Variants in ADAM28 observed in about 807,000 individuals in gnomAD.
ADAM28 encodes the protein disintegrin and metalloproteinase domain-containing protein 28.
A neutral mutation model predicts 101.2 loss-of-function variants in ADAM28; 105 were observed. The ratio of observed to expected loss-of-function variants is 1.04; its 90% CI spans 0.89 to 1.22. The LOEUF (loss-of-function observed/expected upper bound fraction) is 1.22, where lower values mean the gene tolerates loss of function less well. Among genes scored for constraint, ADAM28 ranks in the 50% most tolerant of loss-of-function variants. The probability of loss-of-function intolerance (pLI) is 0.00; values close to 1 mark genes in which losing one functional copy is unlikely to be tolerated. For missense variants in ADAM28, 1,028 were observed against 945.4 expected, an observed-to-expected ratio of 1.09 and a Z score of -1.15; for synonymous variants, 322 against 310.6, an observed-to-expected ratio of 1.04 and a Z score of -0.39.
chr8:24,313,398 A>T lies in ADAM28; in HGVS notation c.394A>T (p.Ser132Cys). Residue 132 changes from serine to cysteine, a missense_variant, in exon 6 of 23, where the codon AGT becomes TGT. Physicochemically the swap from Ser to Cys is moderately radical, Grantham distance 112. Transcript: ENST00000265769. ...CTCATGTTTTTTCAGGGGCTACTTC[A>T]GTCAGGGGGATCAAAGATACTTTAT... Reference protein sequence around the residue: ...STCRGLRGYFSQGDQRYFIEP... With the variant: ...STCRGLRGYFCQGDQRYFIEP... 6.2e-7 allele frequency: 1 copy of T among 1,611,138 alleles called. No homozygotes were observed. The highest frequency in any genetic ancestry group is 1.3e-5 in the African/African-American group (1 of 74,914).
intron 1 of ADAM28, among the ~76,000 whole-genome samples, chr8:24,295,557 C>G (rs1807850939): frequency 1.3e-5 from 2 of 152,142 alleles, no homozygotes; most frequent in African/African-American, 4.8e-5. Context: ...TGCTTGGGCA[C>G]TAGCTTAGTT....
At chr8:24,343,246 G>A in intron 17 of ADAM28, 65 bp downstream of exon 17, 2 of 1,553,886 alleles carry the variant, frequency 1.3e-6, no homozygotes, top group Admixed American at 3.4e-5. Flanking sequence ...TCAGTCATAA[G>A]AAAGCTAAAG....
chr8:24,299,807 T>C, intron 1 of ADAM28, 167 bp from the exon 2 acceptor site: 1 of 501,254 alleles, frequency 2.0e-6, no homozygotes, highest in African/African-American at 1.9e-5. Flanking sequence ...AGTAGCTTTC[T>C]GAGGTTGTTG....
At chr8:24,310,345 T>C in intron 4 of ADAM28, 104 bp downstream of exon 4, 1 of 1,000,178 alleles carries the variant, frequency 1.0e-6, no homozygotes, top group South Asian at 1.6e-5. Flanking sequence ...ATTTGTAACA[T>C]TAGTGCTTTT....
At chr8:24,345,522 TA>T (rs1815303089) in intron 18 of ADAM28, among the ~76,000 whole-genome samples, 2 of 152,094 alleles carry the variant, frequency 1.3e-5, no homozygotes, top group African/African-American at 4.8e-5. Context: ...GTCTTTGAAA[TA>T]TTTTTTTATC....
intron 8 of ADAM28, among the ~76,000 whole-genome samples, chr8:24,322,869 G>A (rs749135346): frequency 1.3e-5 from 2 of 151,878 alleles, no homozygotes; most frequent in Non-Finnish European, 2.9e-5. Flanking sequence ...TGCACTTTTA[G>A]AAACTATAGT....
rs1810205722 is a variant in ADAM28 at position 24,309,826 on chromosome 8, C to CAGAT, written c.151-64_151-61dup. On this transcript the variant is annotated intron_variant, in intron 2 of 22. Transcript: ENST00000265769. The stretch of plus-strand genomic sequence containing the variant: ...TAGATATTGCTTGCTAATGACTACA[C>CAGAT]AGATAGAAATATAATAGTCAAATGA... 2.3e-5 allele frequency: 27 copies of CAGAT among 1,190,842 alleles called. No homozygotes were observed. In the East Asian group the frequency reaches 6.1e-4, roughly 27 times the overall value. The allele number at this position is 1,190,842 out of a possible 1,614,324, so 73.8% of individuals were successfully genotyped here. A position where few individuals can be genotyped will look rare whatever the true frequency, so the allele number is the denominator to read the frequency against.
At chr8:24,344,306 CTCA>C (rs537461300) in intron 18 of ADAM28, among the ~76,000 whole-genome samples, 162 of 152,274 alleles carry the variant, frequency 1.1e-3, no homozygotes, top group African/African-American at 3.7e-3. Context: ...GCTGCTTTTT[CTCA>C]TCATCATCTC....
intron 1 of ADAM28, among the ~76,000 whole-genome samples, chr8:24,299,229 T>C (rs1808383865): frequency 6.6e-6 from 1 of 152,034 alleles, no homozygotes; most frequent in Non-Finnish European, 1.5e-5. Flanking sequence ...AAAGACAACA[T>C]GGAGAGGAGC....
intron 12 of ADAM28, 37 bp from the exon 13 acceptor site, chr8:24,332,619 AAAGT>A: frequency 8.0e-7 from 1 of 1,256,966 alleles, no homozygotes; most frequent in South Asian, 1.9e-5. Flanking sequence ...CTGGGACCAA[AAAGT>A]AATGTTGCAT....
At chr8:24,338,113 GT>G (rs960115598) in intron 14 of ADAM28, among the ~76,000 whole-genome samples, 2 of 152,048 alleles carry the variant, frequency 1.3e-5, no homozygotes, top group Admixed American at 6.5e-5. Flanking sequence ...AAAAATAATT[GT>G]TTTTTACTCC....
At chr8:24,350,112 A>G (rs1369932364) in intron 19 of ADAM28, 140 bp downstream of exon 19, 1 of 685,316 alleles carries the variant, frequency 1.5e-6, no homozygotes, top group African/African-American at 1.8e-5. Flanking sequence ...GTCTTTTTGG[A>G]CGAGAAACTG....
chr8:24,329,536 G>A (rs1217639279), intron 10 of ADAM28, among the ~76,000 whole-genome samples: 1 of 152,128 alleles, frequency 6.6e-6, no homozygotes, highest in Non-Finnish European at 1.5e-5. Flanking sequence ...ATTGACTGAT[G>A]TCTGTCTACT....
Position 24,320,314 on chromosome 8 carries a change from A to T in ADAM28, c.648+7A>T. 5 of 1,574,500 alleles carry T rather than the reference A, an allele frequency of 3.2e-6. No homozygotes were observed. Among genetic ancestry groups the T allele is most frequent in the Non-Finnish European group, 4.4e-6 (5 of 1,148,334 alleles). On this transcript the variant is annotated splice_region_variant and intron_variant, in intron 7 of 22. Coordinates refer to ENST00000265769, the MANE Select transcript of ADAM28 (RefSeq NM_014265.6). ...GGTCCTGGATAATGGTGAGGTAATT[A>T]TATGAGATAAATGTGCTGTCTTCCA...
rs777317227 is a variant in ADAM28, at chr8:24,313,523, T to C, written c.519T>C (p.Gly173=). 6.2e-6 allele frequency: 10 copies of C among 1,613,884 alleles called. No individual in the cohort carries two copies. The highest frequency in any genetic ancestry group is 8.5e-6 in the Non-Finnish European group (10 of 1,179,842). The change falls in exon 6 of 23, where the codon GGT becomes GGC. Residue 173 remains glycine, a synonymous_variant. Transcript: ENST00000265769. ...KNYDSTCGMD[G]VLWAHDLQQN... is the part of the protein sequence containing the mutation. ...ATGACAGCACCTGTGGGATGGATGG[T>C]GTGTTGTGGGCCCACGATTTGCAGC...
intron 20 of ADAM28, 160 bp downstream of exon 20, chr8:24,351,470 T>G (rs1233864593): frequency 3.9e-6 from 3 of 767,486 alleles, no homozygotes; most frequent in African/African-American, 3.5e-5. Flanking sequence ...AAAGAGTCCC[T>G]AAAATGCCGA....
intron 10 of ADAM28, among the ~76,000 whole-genome samples, chr8:24,327,759 C>T (rs1812814311): frequency 1.3e-5 from 2 of 152,044 alleles, no homozygotes; most frequent in Admixed American, 1.3e-4. Flanking sequence ...TGATCTTTGA[C>T]AAACCTGACA....
Position 24,341,769 on chromosome 8 carries a change from T to TG in ADAM28, c.1830+12_1830+13insG, listed in dbSNP as rs1754513972. 4 of 1,613,164 alleles carry TG rather than the reference T, an allele frequency of 2.5e-6. No homozygotes were observed. Among genetic ancestry groups the TG allele is most frequent in the Non-Finnish European group, 3.4e-6 (4 of 1,179,562 alleles). On this transcript the variant is annotated intron_variant, in intron 16 of 22. Coordinates refer to ENST00000265769, the MANE Select transcript of ADAM28 (RefSeq NM_014265.6). ...GTGGCGATAACAAGGTAAGTTGAAA[T>TG]TGTGGCTTTCACTCAAAATAGTGTT... is the stretch of plus-strand genomic sequence containing the variant.
rs1020235916 is a variant in ADAM28, at chr8:24,335,658, T to G, written c.1567+17T>G. 3 of 1,577,502 alleles carry G rather than the reference T, an allele frequency of 1.9e-6. No individual in the cohort carries two copies. Among genetic ancestry groups the G allele is most frequent in the Non-Finnish European group, 2.6e-6 (3 of 1,162,106 alleles). On this transcript the variant is annotated intron_variant, in intron 14 of 22. Transcript: ENST00000265769. ...GGGGACCAGGTAGGAGGACAAATCC[T>G]TTCCCCTGTGCATGTGCGAAGGAAA...
Sources: allele counts gnomAD v4.1 joint callset (sites outside exome capture counted in the v4.1 genomes callset), GRCh38; gene constraint gnomAD v4.1.1; transcripts MANE v1.5; gene names NCBI Gene and HGNC (gene_info 2026-07-23, HGNC 2026-07-21).